Variants in TXNDC11 observed in about 807,000 individuals in gnomAD.
TXNDC11 encodes thioredoxin domain containing 11.
A neutral mutation model predicts 78.0 loss-of-function variants in TXNDC11; 68 were observed. That is an observed-to-expected ratio of 0.87 (90% confidence interval 0.72 to 1.07). TXNDC11 has a LOEUF of 1.07. Ranked by LOEUF, TXNDC11 falls within the 50% of genes least tolerant of loss-of-function variation. TXNDC11 has a pLI of 0.00. For synonymous variants in TXNDC11, 571 were observed against 495.2 expected (o/e 1.15, Z -2.03); for missense variants, 1,389 against 1,221.8 (o/e 1.14, Z -2.04).
intron 7 of TXNDC11, among the ~76,000 whole-genome samples, chr16:11,693,433 G>T (rs1050347321): frequency 6.6e-6 from 1 of 152,122 alleles, no homozygotes; most frequent in African/African-American, 2.4e-5. Flanking sequence ...GTTACAGGGT[G>T]CTGTCACTCA....
intron 4 of TXNDC11, among the ~76,000 whole-genome samples, chr16:11,728,976 G>C (rs1479012838): frequency 6.6e-6 from 1 of 152,230 alleles, no homozygotes; most frequent in South Asian, 2.1e-4. Flanking sequence ...ACTCCAGCCT[G>C]GGTAACAGAG....
chr16:11,684,367 C>T, intron 10 of TXNDC11, 122 bp from the exon 11 acceptor site: 1 of 656,054 alleles, frequency 1.5e-6, no homozygotes, highest in South Asian at 1.8e-5. Flanking sequence ...GGGCTAGTCC[C>T]TTCTCGATGA....
chr16:11,698,823 G>C (rs573127727), intron 6 of TXNDC11, among the ~76,000 whole-genome samples: 4 of 152,166 alleles, frequency 2.6e-5, no homozygotes, highest in African/African-American at 9.7e-5. Context: ...TGTATCCTCC[G>C]GGCCTAGACG....
chr16:11,704,744 A>C (rs184729286), intron 5 of TXNDC11, among the ~76,000 whole-genome samples: 219 of 152,324 alleles, frequency 1.4e-3, no homozygotes, highest in African/African-American at 5.0e-3. Flanking sequence ...GGAAAGACAG[A>C]GGATTTGTCA....
intron 1 of TXNDC11, among the ~76,000 whole-genome samples, chr16:11,736,836 T>A (rs937079337): frequency 1.3e-5 from 2 of 152,152 alleles, no homozygotes; most frequent in Non-Finnish European, 2.9e-5. Context: ...CCTATTTAAC[T>A]GGAAAATGGG....
intron 5 of TXNDC11, among the ~76,000 whole-genome samples, chr16:11,705,057 G>A (rs866259511): frequency 2.6e-5 from 4 of 152,114 alleles, no homozygotes; most frequent in Middle Eastern, 3.4e-3. Context: ...CCCATGTCCA[G>A]CTAATTTTTC....
At chr16:11,722,895 A>G (rs1228812290) in intron 4 of TXNDC11, among the ~76,000 whole-genome samples, 1 of 152,224 alleles carries the variant, frequency 6.6e-6, no homozygotes, top group African/African-American at 2.4e-5. Flanking sequence ...CTATCTTTCC[A>G]ATCTAAACCA....
At chr16:11,730,897 A>C (rs1393636794) in intron 3 of TXNDC11, 123 bp from the exon 4 acceptor site, 2 of 713,428 alleles carry the variant, frequency 2.8e-6, no homozygotes, top group Non-Finnish European at 4.0e-6. Context: ...TTGGGATCCA[A>C]CCAAGTCACA....
At chr16:11,720,052 G>A (rs914648304) in intron 5 of TXNDC11, among the ~76,000 whole-genome samples, 7 of 152,162 alleles carry the variant, frequency 4.6e-5, no homozygotes, top group African/African-American at 1.7e-4. Flanking sequence ...GGCGCAGACT[G>A]GAGTGGTAAC....
At chr16:11,695,228 T>G (rs977709143) in intron 7 of TXNDC11, among the ~76,000 whole-genome samples, 7 of 152,206 alleles carry the variant, frequency 4.6e-5, no homozygotes, top group Admixed American at 6.5e-5. Context: ...TGTGTGTGGG[T>G]ACACATGCAG....
At chr16:11,714,594 C>T (rs944136310) in intron 5 of TXNDC11, among the ~76,000 whole-genome samples, 7 of 151,610 alleles carry the variant, frequency 4.6e-5, no homozygotes, top group Admixed American at 4.6e-4. Flanking sequence ...GAGCCGAGAT[C>T]GCGCGGCTGC....
intron 3 of TXNDC11, 47 bp downstream of exon 3, chr16:11,733,935 C>G (rs1351814781): frequency 7.2e-7 from 1 of 1,383,888 alleles, no homozygotes. Context: ...CATTTATAAA[C>G]TGGCAAACTA....
At chr16:11,738,942 G>C (rs528489096) in intron 1 of TXNDC11, among the ~76,000 whole-genome samples, 7 of 152,116 alleles carry the variant, frequency 4.6e-5, no homozygotes, top group African/African-American at 1.4e-4. Context: ...CAGGAGAATC[G>C]CTTGAACACG....
At chr16:11,693,488 T>G (rs752746783) in intron 7 of TXNDC11, among the ~76,000 whole-genome samples, 11 of 152,194 alleles carry the variant, frequency 7.2e-5, no homozygotes, top group Non-Finnish European at 4.4e-5. Flanking sequence ...TGTGTCTGCA[T>G]GTGTAAAACA....
chr16:11,730,721 A>G lies in TXNDC11; in HGVS notation c.623T>C (p.Phe208Ser). The G allele has an allele frequency of 6.2e-7, 1 of 1,613,868 alleles. No homozygotes were observed. The highest frequency in any genetic ancestry group is 8.5e-7 in the Non-Finnish European group (1 of 1,179,818). Residue 208 changes from phenylalanine to serine, a missense_variant, in exon 4 of 12, where the codon TTT becomes TCT. Coordinates refer to ENST00000283033, the MANE Select transcript of TXNDC11 (RefSeq NM_015914.7). The stretch of plus-strand genomic sequence containing the variant: ...AAGTGGTTTCATCACCCGGCGGACA[A>G]ACTTCTCAATGTAAACAGCACTCAT... ...GPMSAVYIEK[F>S]VRRVMKPLLY...
chr16:11,712,971 G>A (rs1478173303), intron 5 of TXNDC11, among the ~76,000 whole-genome samples: 2 of 142,126 alleles, frequency 1.4e-5, no homozygotes, highest in South Asian at 2.3e-4. Flanking sequence ...AATCAGTTGG[G>A]CATGGTGGTG....
intron 4 of TXNDC11, among the ~76,000 whole-genome samples, chr16:11,724,588 AC>A (rs1374389383): frequency 5.9e-5 from 9 of 152,078 alleles, no homozygotes; most frequent in Non-Finnish European, 1.0e-4. Flanking sequence ...ACATGGCAAG[AC>A]CTCATCTCTA....
intron 5 of TXNDC11, among the ~76,000 whole-genome samples, chr16:11,704,230 G>T (rs1009238351): frequency 5.3e-5 from 8 of 152,158 alleles, no homozygotes; most frequent in African/African-American, 1.9e-4. Flanking sequence ...ACAGTACACA[G>T]AATAAGATAA....
chr16:11,718,489 CT>C (rs962891016), intron 5 of TXNDC11, among the ~76,000 whole-genome samples: 16 of 149,480 alleles, frequency 1.1e-4, no homozygotes, highest in South Asian at 2.1e-4. Flanking sequence ...GAAACTGTAT[CT>C]TTTTTTTTTA....
Sources: gnomAD v4.1 joint callset for allele counts (sites outside exome capture counted in the v4.1 genomes callset) on GRCh38, gnomAD v4.1.1 for gene constraint, MANE v1.5 for transcripts, NCBI Gene and HGNC (gene_info 2026-07-23, HGNC 2026-07-21) for gene names.